ASTN2: variants seen among roughly 807,000 people sequenced by gnomAD.
ASTN2 encodes the protein astrotactin-2.
Under a neutral mutation model 139.8 loss-of-function variants are expected in ASTN2, and 54 were observed. That is an observed-to-expected ratio of 0.39 (90% confidence interval 0.31 to 0.48). The LOEUF (loss-of-function observed/expected upper bound fraction) is 0.48. ASTN2 is among the 20% of genes least tolerant of loss of function. The pLI is 0.95. For synonymous variants in ASTN2, 756 were observed against 719.5 expected (o/e 1.05, Z -0.81); for missense variants, 1,565 against 1,725.1 (o/e 0.91, Z 1.64).
chr9:117,321,629 G>T (rs1033720332), intron 1 of ASTN2, among the ~76,000 whole-genome samples: 1 of 152,136 alleles, frequency 6.6e-6, no homozygotes. Flanking sequence ...CAAAACTAGC[G>T]GATATTTGGG....
At chr9:116,832,597 T>C (rs908750124) in intron 11 of ASTN2, among the ~76,000 whole-genome samples, 4 of 152,124 alleles carry the variant, frequency 2.6e-5, no homozygotes, top group Non-Finnish European at 5.9e-5. Context: ...CAAATGTTTT[T>C]CTTGTATCCA....
rs142389746 is a variant in ASTN2, at chr9:116,735,198, C to G, written c.2397-1675G>C. Among the ~76,000 whole-genome samples, 6 of 152,296 alleles carry G rather than the reference C, an allele frequency of 3.9e-5. No homozygotes were observed. The East Asian group carries it at 1.2e-3, about 29-fold the overall frequency. ...TTAAGGCCCACACTTGCCATTTAAA[C>G]ATGCTGCTGTGTGTGGGTGTGCCAT... On this transcript the variant is annotated intron_variant, in intron 13 of 22. Coordinates refer to ENST00000313400, the MANE Select transcript of ASTN2 (RefSeq NM_001365068.1).
intron 3 of ASTN2, among the ~76,000 whole-genome samples, chr9:117,212,428 A>T (rs1383275709): frequency 6.6e-6 from 1 of 152,180 alleles, no homozygotes; most frequent in Non-Finnish European, 1.5e-5. Context: ...ATGTCAAACT[A>T]AAAAGCTCCT....
intron 1 of ASTN2, among the ~76,000 whole-genome samples, chr9:117,379,076 A>G (rs2130925192): frequency 6.6e-6 from 1 of 152,262 alleles, no homozygotes; most frequent in South Asian, 2.1e-4. Flanking sequence ...CAGAAGCAGA[A>G]GCTGCTATAT....
intron 3 of ASTN2, among the ~76,000 whole-genome samples, chr9:117,201,040 C>T (rs1028004127): frequency 1.5e-5 from 2 of 135,880 alleles, no homozygotes; most frequent in African/African-American, 5.6e-5. Flanking sequence ...TAATTACTGC[C>T]TCAATTTCAG....
intron 19 of ASTN2, among the ~76,000 whole-genome samples, chr9:116,517,774 G>A (rs1222137894): frequency 6.6e-6 from 1 of 151,950 alleles, no homozygotes; most frequent in Non-Finnish European, 1.5e-5. Context: ...GGATATGAAA[G>A]GAAAATTCTT....
intron 3 of ASTN2, among the ~76,000 whole-genome samples, chr9:117,180,275 G>A (rs186889169): frequency 4.7e-4 from 72 of 152,222 alleles, no homozygotes; most frequent in African/African-American, 1.6e-3. Context: ...CAGGACCCTG[G>A]TGATCTGACC....
intron 1 of ASTN2, among the ~76,000 whole-genome samples, chr9:117,314,036 G>A (rs1415724446): frequency 2.6e-5 from 4 of 152,064 alleles, no homozygotes; most frequent in Non-Finnish European, 5.9e-5. Context: ...TAACTAACAG[G>A]CAGAAGCTTT....
chr9:116,452,302 A>G (rs1380894979), intron 20 of ASTN2, among the ~76,000 whole-genome samples: 2 of 152,234 alleles, frequency 1.3e-5, no homozygotes, highest in Non-Finnish European at 2.9e-5. Flanking sequence ...AGTTATAGAA[A>G]TGACTTTTTC....
rs1855955428 is a variant in ASTN2, at chr9:116,618,341, T to C, written c.3338A>G (p.Asp1113Gly). 6.2e-7 allele frequency: 1 copy of C among 1,614,122 alleles called. No individual in the cohort carries two copies. Among genetic ancestry groups the C allele is most frequent in the South Asian group, 1.1e-5 (1 of 91,070 alleles). ...LQHKKVDEYT[D>G]TDLYTGEFLS... is the part of the protein sequence containing the mutation. Reference sequence around the variant, plus strand: ...GTACCTACCTGTGTACAGGTCAGTGTCTGTGTATTCATCCACTTTCTTATG... The same window carrying C: ...GTACCTACCTGTGTACAGGTCAGTGCCTGTGTATTCATCCACTTTCTTATG... The change falls in exon 19 of 23, where the codon GAC (aspartate) becomes GGC (glycine). Residue 1113 changes from aspartate (D) to glycine (G), a missense_variant. By Grantham distance (94) the Asp-to-Gly change is moderately conservative (BLOSUM62 -1). Transcript: ENST00000313400.
intron 10 of ASTN2, among the ~76,000 whole-genome samples, chr9:116,878,589 T>C (rs1260830492): frequency 6.6e-6 from 1 of 152,054 alleles, no homozygotes; most frequent in Non-Finnish European, 1.5e-5. Flanking sequence ...AAATAGCTAA[T>C]ACATGTGGGG....
intron 7 of ASTN2, among the ~76,000 whole-genome samples, chr9:116,993,853 G>GAGATATAT (rs377418549): frequency 7.6e-6 from 1 of 132,046 alleles, no homozygotes; most frequent in Non-Finnish European, 1.6e-5. Flanking sequence ...GTATGTACAT[G>GAGATATAT]ATATATATAT....
chr9:116,957,619 G>A (rs1049669759), intron 10 of ASTN2, among the ~76,000 whole-genome samples: 5 of 152,150 alleles, frequency 3.3e-5, no homozygotes, highest in East Asian at 1.9e-4. Flanking sequence ...TATTTTGTAC[G>A]GTGCCTCTCA....
intron 19 of ASTN2, among the ~76,000 whole-genome samples, chr9:116,494,675 C>A (rs1039580398): frequency 2.0e-5 from 3 of 152,152 alleles, no homozygotes; most frequent in Non-Finnish European, 4.4e-5. Context: ...CAAAACAATC[C>A]ATCTTGCTTA....
chr9:117,028,949 A>C (rs1838173892), intron 6 of ASTN2, among the ~76,000 whole-genome samples: 1 of 152,178 alleles, frequency 6.6e-6, no homozygotes, highest in Non-Finnish European at 1.5e-5. Flanking sequence ...ACAATGAAGA[A>C]ACTGAGGCCT....
At chr9:116,681,494 T>A (rs920124389) in intron 16 of ASTN2, among the ~76,000 whole-genome samples, 1 of 152,198 alleles carries the variant, frequency 6.6e-6, no homozygotes, top group African/African-American at 2.4e-5. Context: ...AAGCTACCAA[T>A]GACTTTCTTC....
chr9:117,404,145 AAGTT>A (rs1830916187), intron 1 of ASTN2, among the ~76,000 whole-genome samples: 1 of 152,238 alleles, frequency 6.6e-6, no homozygotes, highest in Non-Finnish European at 1.5e-5. Flanking sequence ...TGTAAGTAAA[AAGTT>A]AGCACAGTGC....
intron 1 of ASTN2, among the ~76,000 whole-genome samples, chr9:117,298,749 AAAATAGTCTATACAGCTGAC>A (rs1368023247): frequency 6.1e-4 from 90 of 147,814 alleles, no homozygotes; most frequent in African/African-American, 1.8e-3. Flanking sequence ...TATATATCTT[AAAATAGTCTATACAGCTGAC>A]TTCCCTTATT....
intron 6 of ASTN2, among the ~76,000 whole-genome samples, chr9:117,037,984 T>G (rs1166258669): frequency 6.6e-6 from 1 of 152,212 alleles, no homozygotes; most frequent in East Asian, 1.9e-4. Context: ...AGCCAAAGTC[T>G]TGTACATAGG....
Sources: allele counts gnomAD v4.1 joint callset (sites outside exome capture counted in the v4.1 genomes callset), GRCh38; gene constraint gnomAD v4.1.1; transcripts MANE v1.5; gene names NCBI Gene and HGNC (gene_info 2026-07-23, HGNC 2026-07-21).